The following RARB variants were observed in gnomAD, a reference collection of about 807,000 sequenced individuals.
The protein encoded by RARB is HBV-activated protein.
In RARB, 17 loss-of-function variants were observed where a neutral mutation model predicts 51.9. The ratio of observed to expected loss-of-function variants is 0.33; its 90% CI spans 0.22 to 0.49. RARB has a LOEUF of 0.49. Ranked by LOEUF, RARB falls within the 20% of genes least tolerant of loss-of-function variation. RARB has a pLI of 0.99. For synonymous variants in RARB, 215 were observed against 195.4 expected (o/e 1.10, Z -0.84); for missense variants, 369 against 550.8 (o/e 0.67, Z 3.30).
chr3:25,081,586 CATAT>C lies in RARB; in HGVS notation c.-328+21443_-328+21446del, dbSNP rs1161956011. Among the ~76,000 whole-genome samples, 102 of 19,632 alleles carry C rather than the reference CATAT, an allele frequency of 5.2e-3. 2 individuals are homozygous for C. The highest frequency in any genetic ancestry group is 0.012 in the South Asian group (4 of 324). 12.9% of individuals were successfully genotyped at this position (19,632 alleles called of 152,430 possible). A position where few individuals can be genotyped will look rare whatever the true frequency, so the allele number is the denominator to read the frequency against. On this transcript the variant is annotated intron_variant, in intron 3 of 11. Transcript: ENST00000383772. Reference sequence around the variant, plus strand: ...CTTTTGCTAGTGTTTGCTTCATATACATATATATATATATATATATATATATATA... The same window carrying C: ...CTTTTGCTAGTGTTTGCTTCATATACATATATATATATATATATATATATA...
intron 4 of RARB, among the ~76,000 whole-genome samples, chr3:25,157,204 A>G (rs1484171048): frequency 6.6e-6 from 1 of 152,122 alleles, no homozygotes; most frequent in East Asian, 1.9e-4. Context: ...GTTTCCAGCT[A>G]TGTGTGAATG....
At chr3:25,505,309 C>T (rs1054581105) in intron 3 of RARB, among the ~76,000 whole-genome samples, 10 of 152,116 alleles carry the variant, frequency 6.6e-5, no homozygotes, top group Middle Eastern at 3.2e-3. Context: ...ATATATACTG[C>T]GTGCCATAGG....
chr3:24,972,365 T>C (rs1696418904), intron 2 of RARB, among the ~76,000 whole-genome samples: 1 of 152,070 alleles, frequency 6.6e-6, no homozygotes, highest in Non-Finnish European at 1.5e-5. Flanking sequence ...GTATATACTG[T>C]ACTTTCTTTT....
chr3:25,233,302 G>C (rs1191230325), intron 5 of RARB, among the ~76,000 whole-genome samples: 3 of 151,974 alleles, frequency 2.0e-5, no homozygotes, highest in Admixed American at 6.6e-5. Context: ...ACATATTATA[G>C]GTTTATCAGA....
intron 2 of RARB, among the ~76,000 whole-genome samples, chr3:24,912,421 T>C (rs1349330279): frequency 7.1e-6 from 1 of 140,046 alleles, no homozygotes; most frequent in Non-Finnish European, 1.5e-5. Context: ...CACAGTAAAA[T>C]CTCAATAAGT....
intron 2 of RARB, among the ~76,000 whole-genome samples, chr3:24,896,854 C>A (rs767747728): frequency 6.6e-6 from 1 of 152,178 alleles, no homozygotes; most frequent in African/African-American, 2.4e-5. Flanking sequence ...ATGTCTCATA[C>A]CAAGACTTGA....
intron 3 of RARB, among the ~76,000 whole-genome samples, chr3:25,087,380 C>CA (rs1699122981): frequency 6.6e-6 from 1 of 151,910 alleles, no homozygotes; most frequent in African/African-American, 2.4e-5. Context: ...TTTTTTACCC[C>CA]AAAAGTGAGG....
intron 2 of RARB, among the ~76,000 whole-genome samples, chr3:25,037,841 T>C (rs1698029882): frequency 6.6e-6 from 1 of 152,084 alleles, no homozygotes; most frequent in African/African-American, 2.4e-5. Flanking sequence ...GGACCTTAGC[T>C]TGAAGGATCT....
intron 3 of RARB, among the ~76,000 whole-genome samples, chr3:25,117,437 G>A (rs944156905): frequency 6.6e-6 from 1 of 152,164 alleles, no homozygotes; most frequent in East Asian, 1.9e-4. Flanking sequence ...AATGTTCCAT[G>A]GGCCCAATCA....
At chr3:25,300,605 T>G (rs946096864) in intron 5 of RARB, among the ~76,000 whole-genome samples, 23 of 152,102 alleles carry the variant, frequency 1.5e-4, no homozygotes, top group African/African-American at 5.1e-4. Flanking sequence ...CATAAAGCCT[T>G]TAAAAGGAGA....
intron 3 of RARB, among the ~76,000 whole-genome samples, chr3:25,092,852 C>G (rs930056694): frequency 6.6e-6 from 1 of 152,026 alleles, no homozygotes; most frequent in Non-Finnish European, 1.5e-5. Flanking sequence ...TCCTTGTGCC[C>G]TTATTCAGTC....
At chr3:25,128,825 A>G (rs1699900535) in intron 3 of RARB, among the ~76,000 whole-genome samples, 2 of 152,084 alleles carry the variant, frequency 1.3e-5, no homozygotes, top group African/African-American at 4.8e-5. Context: ...TAAGGAAGAG[A>G]TATAGAAAAA....
At chr3:25,416,279 C>T (rs1253017229) in intron 5 of RARB, among the ~76,000 whole-genome samples, 1 of 152,174 alleles carries the variant, frequency 6.6e-6, no homozygotes, top group Admixed American at 6.5e-5. Context: ...GTCCCAGCTA[C>T]TTACGGGGTT....
chr3:25,202,741 A>G (rs1039829048), intron 5 of RARB, among the ~76,000 whole-genome samples: 3 of 152,094 alleles, frequency 2.0e-5, no homozygotes, highest in East Asian at 1.9e-4. Flanking sequence ...GTAGTTGAGC[A>G]GTTTTGAGTG....
chr3:25,498,306 T>C (rs1006152097), intron 2 of RARB, among the ~76,000 whole-genome samples: 1 of 152,160 alleles, frequency 6.6e-6, no homozygotes. Context: ...AAAGCAGTGG[T>C]CTACAAGGGA....
At chr3:24,924,760 C>T (rs1396558884) in intron 2 of RARB, among the ~76,000 whole-genome samples, 2 of 152,118 alleles carry the variant, frequency 1.3e-5, no homozygotes, top group Non-Finnish European at 2.9e-5. Context: ...AGGGCATGAT[C>T]TGCAGGGCCC....
At chr3:25,302,462 T>C (rs1010394371) in intron 5 of RARB, among the ~76,000 whole-genome samples, 3 of 152,240 alleles carry the variant, frequency 2.0e-5, no homozygotes, top group East Asian at 1.9e-4. Flanking sequence ...TGTTACAACA[T>C]GGATAAACCC....
chr3:25,237,405 T>G (rs1263762400), intron 5 of RARB, among the ~76,000 whole-genome samples: 2 of 152,138 alleles, frequency 1.3e-5, no homozygotes, highest in Non-Finnish European at 2.9e-5. Flanking sequence ...CTTTTTGCAC[T>G]TCAATATTCT....
At chr3:25,131,039 T>C (rs1279990853) in intron 3 of RARB, among the ~76,000 whole-genome samples, 1 of 151,082 alleles carries the variant, frequency 6.6e-6, no homozygotes, top group East Asian at 1.9e-4. Context: ...TTATCAATGA[T>C]CTTATCAATA....
Sources: gnomAD v4.1 joint callset for allele counts (sites outside exome capture counted in the v4.1 genomes callset) on GRCh38, gnomAD v4.1.1 for gene constraint, MANE v1.5 for transcripts, NCBI Gene and HGNC (gene_info 2026-07-23, HGNC 2026-07-21) for gene names.